The following SNED1 variants were observed in gnomAD, a reference collection of about 807,000 sequenced individuals.
SNED1 encodes sushi, nidogen and EGF like domains 1.
In SNED1, 81 loss-of-function variants were observed where a neutral mutation model predicts 166.7. The ratio of observed to expected loss-of-function variants is 0.49; its 90% CI spans 0.41 to 0.58. The LOEUF is 0.58. Ranked by LOEUF, SNED1 falls within the 20% of genes least tolerant of loss-of-function variation. The pLI is 0.00. For synonymous variants in SNED1, 762 were observed against 822.0 expected (o/e 0.93, Z 1.25); for missense variants, 1,604 against 2,000.2 (o/e 0.80, Z 3.78).
chr2:241,072,680 G>T (rs542982986), intron 26 of SNED1: 1 of 204,478 alleles, frequency 4.9e-6, no homozygotes, highest in Non-Finnish European at 9.9e-6. Flanking sequence ...CCCCAGCAAG[G>T]TGTCTGAGGA....
chr2:241,038,779 C>T (rs2061443275), intron 6 of SNED1, among the ~76,000 whole-genome samples: 1 of 152,230 alleles, frequency 6.6e-6, no homozygotes, highest in African/African-American at 2.4e-5. Flanking sequence ...GGCAGGATCT[C>T]CTTCCTCTTG....
chr2:241,014,209 A>G (rs1038911742), intron 1 of SNED1, among the ~76,000 whole-genome samples: 2 of 152,058 alleles, frequency 1.3e-5, no homozygotes, highest in African/African-American at 2.4e-5. Context: ...GGGTTTCACC[A>G]TGTTGGCCAG....
At chr2:241,038,255 T>C (rs1417295602) in intron 6 of SNED1, among the ~76,000 whole-genome samples, 2 of 152,240 alleles carry the variant, frequency 1.3e-5, no homozygotes, top group Non-Finnish European at 2.9e-5. Context: ...TGCATTCAAA[T>C]AGTGACTATA....
Position 241,036,828 on chromosome 2 carries a change from G to A in SNED1, c.844G>A (p.Gly282Ser), listed in dbSNP as rs766347209. ...GGCCCTGCGCCCCTGCCTCAACGGCGGCAAGTGCATCGACGACTGCGTCAC... is the reference window on the plus strand; with the variant it reads ...GGCCCTGCGCCCCTGCCTCAACGGCAGCAAGTGCATCGACGACTGCGTCAC... ...CLALRPCLNG[G>S]KCIDDCVTGN... The change falls in exon 5 of 32, where the codon GGC becomes AGC. Residue 282 changes from glycine to serine, a missense_variant. Around this residue, in one of 2 missense-constraint regions of SNED1, gnomAD observed 1,237 missense variants for 1,620.8 expected, o/e 0.76. Coordinates refer to ENST00000310397, the MANE Select transcript of SNED1 (RefSeq NM_001080437.3). 4 of 1,610,830 alleles carry A rather than the reference G, an allele frequency of 2.5e-6. No individual in the cohort carries two copies. Among genetic ancestry groups the A allele is most frequent in the Non-Finnish European group, 8.5e-7 (1 of 1,179,700 alleles).
chr2:241,030,435 C>A lies in SNED1; in HGVS notation c.365C>A (p.Thr122Asn). 1 of 1,613,596 alleles carries A rather than the reference C, an allele frequency of 6.2e-7. No individual in the cohort carries two copies. Reference sequence around the variant, plus strand: ...GGCGACGTGTACTACCGGGAGGCCACCGACCCAGCCATGCTGCGCCGAGCC... The same window carrying A: ...GGCGACGTGTACTACCGGGAGGCCAACGACCCAGCCATGCTGCGCCGAGCC... Reference protein sequence around the residue: ...RAGDVYYREATDPAMLRRATE... With the variant: ...RAGDVYYREANDPAMLRRATE... Residue 122 changes from threonine (T) to asparagine (N), a missense_variant, in exon 2 of 32, where the codon ACC becomes AAC. By Grantham distance (65) the Thr-to-Asn change is moderately conservative. Coordinates refer to ENST00000310397, the MANE Select transcript of SNED1 (RefSeq NM_001080437.3).
chr2:241,074,916 G>GT (rs1179053084), intron 27 of SNED1: 2 of 152,112 alleles, frequency 1.3e-5, no homozygotes, highest in Non-Finnish European at 2.9e-5. Flanking sequence ...GAATTCCTTT[G>GT]TTTTTTCAGA....
At chr2:241,023,560 A>G (rs1052263335) in intron 1 of SNED1, among the ~76,000 whole-genome samples, 2 of 152,030 alleles carry the variant, frequency 1.3e-5, no homozygotes, top group Non-Finnish European at 2.9e-5. Context: ...CTTTATTCTG[A>G]CATATTATCT....
intron 29 of SNED1, among the ~76,000 whole-genome samples, chr2:241,085,697 ATTTGTTTG>A (rs147128440): frequency 0.016 from 2,468 of 151,702 alleles, 61 homozygotes; most frequent in African/African-American, 0.057. Context: ...CTGACGCTGG[ATTTGTTTG>A]TTTGTTTGTT....
At chr2:241,010,388 G>C (rs2060354528) in intron 1 of SNED1, 5 of 152,354 alleles carry the variant, frequency 3.3e-5, no homozygotes, top group African/African-American at 1.2e-4. Flanking sequence ...GCACGTCTCT[G>C]TGCTTCCTCC....
intron 16 of SNED1, among the ~76,000 whole-genome samples, chr2:241,054,807 GATAA>G (rs1414321561): frequency 7.2e-5 from 11 of 152,200 alleles, no homozygotes; most frequent in East Asian, 1.9e-4. Flanking sequence ...AGCAGGGAAA[GATAA>G]ATAAATAAAA....
Position 241,053,414 on chromosome 2 carries a change from C to T in SNED1, c.2257+88C>T, listed in dbSNP as rs529206607. On this transcript the variant is annotated intron_variant, in intron 16 of 31. Transcript: ENST00000310397. ...TGGAGGAGCACAGGGGCTGCAGGCC[C>T]AAGCCTGGATGCCCAGCTCTGACCT... 1.5e-4 allele frequency: 201 copies of T among 1,363,020 alleles called. 8 individuals carry two copies. In the Admixed American group the frequency reaches 4.5e-3, roughly 30 times the overall value. The allele number at this position is 1,363,020 out of a possible 1,614,324, so 84.4% of individuals were successfully genotyped here. A position where few individuals can be genotyped will look rare whatever the true frequency, so the allele number is the denominator to read the frequency against.
rs2061835848 is a variant in SNED1 at position 241,051,399 on chromosome 2, A to T, written c.1736-345A>T. 1 of 239,316 alleles carries T rather than the reference A, an allele frequency of 4.2e-6. No individual in the cohort carries two copies. Among genetic ancestry groups the T allele is most frequent in the Non-Finnish European group, 8.0e-6 (1 of 124,936 alleles). 14.8% of individuals were successfully genotyped at this position (239,316 alleles called of 1,614,324 possible). Reference sequence around the variant, plus strand: ...ATGAGACTCAGCTGCTTCCTGTCAGATGGGGAATGCCCGTGTGCAGGAGGG... The same window carrying T: ...ATGAGACTCAGCTGCTTCCTGTCAGTTGGGGAATGCCCGTGTGCAGGAGGG... On this transcript the variant is annotated intron_variant, in intron 12 of 31. Coordinates refer to ENST00000310397, the MANE Select transcript of SNED1 (RefSeq NM_001080437.3). This position sits in a 1 kb window ranked among gnomAD's most constrained non-coding sequence, Gnocchi z 4.7.
In SNED1 at chr2:241,064,778, G is replaced by C. The variant is rs1410304670; in HGVS notation, c.2600-66G>C. 1 of 1,181,292 alleles carries C rather than the reference G, an allele frequency of 8.5e-7. No individual in the cohort carries two copies. Among genetic ancestry groups the C allele is most frequent in the African/African-American group, 1.6e-5 (1 of 61,820 alleles). The allele number at this position is 1,181,292 out of a possible 1,614,324, so 73.2% of individuals were successfully genotyped here. A position where few individuals can be genotyped will look rare whatever the true frequency, so the allele number is the denominator to read the frequency against. ...GAGGGACCCAGTGCCCCAGGAGCAAGGGCGGGGCTGGAGCAGGGACCCCTG... is the reference window on the plus strand; with the variant it reads ...GAGGGACCCAGTGCCCCAGGAGCAACGGCGGGGCTGGAGCAGGGACCCCTG... On this transcript the variant is annotated intron_variant, in intron 19 of 31. Coordinates refer to ENST00000310397, the MANE Select transcript of SNED1 (RefSeq NM_001080437.3). The surrounding 1 kb of genome is among the most constrained non-coding windows in gnomAD (Gnocchi z 7.0).
intron 26 of SNED1, chr2:241,072,241 C>A: frequency 2.1e-6 from 1 of 477,894 alleles, no homozygotes; most frequent in Non-Finnish European, 4.1e-6. Context: ...GGCAGGAGGC[C>A]ATGAGGGTCT....
intron 1 of SNED1, among the ~76,000 whole-genome samples, chr2:241,008,329 C>T (rs1240853612): frequency 5.9e-5 from 9 of 152,196 alleles, no homozygotes; most frequent in Non-Finnish European, 1.2e-4. Context: ...TCCTAACTAA[C>T]CTACTCTGCA....
intron 15 of SNED1, 53 bp from the exon 16 acceptor site, chr2:241,053,100 G>A: frequency 6.5e-7 from 1 of 1,546,558 alleles, no homozygotes; most frequent in East Asian, 2.4e-5. Flanking sequence ...AGGGCGGTGG[G>A]GAGGGGCCAG....
rs902001242 is a variant in SNED1 at position 241,088,496 on chromosome 2, C to T, written c.*1+94C>T. 4 of 1,025,138 alleles carry T rather than the reference C, an allele frequency of 3.9e-6. No individual in the cohort carries two copies. In the African/African-American group the frequency reaches 6.3e-5, roughly 16 times the overall value. 63.5% of individuals were successfully genotyped at this position (1,025,138 alleles called of 1,614,324 possible). A position where few individuals can be genotyped will look rare whatever the true frequency, so the allele number is the denominator to read the frequency against. On this transcript the variant is annotated intron_variant, in intron 31 of 31. Coordinates refer to ENST00000310397, the MANE Select transcript of SNED1 (RefSeq NM_001080437.3). The stretch of plus-strand genomic sequence containing the variant: ...CGGGATCTCAGAGTGCCGCTGCCTG[C>T]TTACTCAGCACTGCTAAAGGAAGCG...
At chr2:241,054,816 A>G (rs557350898) in intron 16 of SNED1, among the ~76,000 whole-genome samples, 25 of 152,326 alleles carry the variant, frequency 1.6e-4, no homozygotes, top group African/African-American at 4.8e-4. Flanking sequence ...AGATAAATAA[A>G]TAAAAAAGAA....
intron 26 of SNED1, chr2:241,072,267 G>A (rs905211658): frequency 6.3e-6 from 3 of 472,654 alleles, no homozygotes; most frequent in Non-Finnish European, 1.3e-5. Flanking sequence ...GCCACTCCGA[G>A]TGTGGTCCGG....
Sources: allele counts gnomAD v4.1 joint callset (sites outside exome capture counted in the v4.1 genomes callset), GRCh38; gene constraint gnomAD v4.1.1; regional missense constraint gnomAD v4.1.1; non-coding constraint Gnocchi (gnomAD v3.1); transcripts MANE v1.5; gene names NCBI Gene and HGNC (gene_info 2026-07-23, HGNC 2026-07-21).